The following GPT2 variants were observed in gnomAD, a reference collection of about 807,000 sequenced individuals.
The protein encoded by GPT2 is glutamic--pyruvic transaminase 2.
GPT2 carries 30 observed loss-of-function variants against 56.9 expected under a neutral mutation model. The ratio of observed to expected loss-of-function variants is 0.53; its 90% CI spans 0.39 to 0.72. The LOEUF (loss-of-function observed/expected upper bound fraction) is 0.72. GPT2 is among the 30% of genes least tolerant of loss of function. GPT2 has a pLI of 0.00. For missense variants in GPT2, 542 were observed against 703.4 expected, an observed-to-expected ratio of 0.77 and a Z score of 2.60; for synonymous variants, 271 against 283.1, an observed-to-expected ratio of 0.96 and a Z score of 0.43.
chr16:46,917,934 G>A (rs1000756526), intron 7 of GPT2, among the ~76,000 whole-genome samples: 4 of 152,174 alleles, frequency 2.6e-5, no homozygotes, highest in Non-Finnish European at 5.9e-5. Flanking sequence ...AGAGGAGGAC[G>A]AGGAGGACAG....
intron 10 of GPT2, among the ~76,000 whole-genome samples, chr16:46,924,995 C>G (rs1961376076): frequency 6.6e-6 from 1 of 152,016 alleles, no homozygotes; most frequent in Non-Finnish European, 1.5e-5. Flanking sequence ...CTCCTGGGCT[C>G]AAGCCATCCT....
At chr16:46,903,887 C>T (rs1215512859) in intron 4 of GPT2, among the ~76,000 whole-genome samples, 2 of 152,172 alleles carry the variant, frequency 1.3e-5, no homozygotes, top group Non-Finnish European at 2.9e-5. Flanking sequence ...CATGAGATCT[C>T]GGAGAGAGCT....
intron 4 of GPT2, among the ~76,000 whole-genome samples, chr16:46,901,322 G>T (rs1485802959): frequency 6.6e-6 from 1 of 152,082 alleles, no homozygotes; most frequent in East Asian, 1.9e-4. Flanking sequence ...CCCTCAAGCC[G>T]GCCCTCACTC....
At chr16:46,910,039 T>C (rs1961015946) in intron 6 of GPT2, 112 bp downstream of exon 6, 1 of 1,380,148 alleles carries the variant, frequency 7.2e-7, no homozygotes, top group East Asian at 2.4e-5. Context: ...CTAGTTTCCC[T>C]TCCAGATTTG....
chr16:46,899,582 A>G (rs1030822165), intron 3 of GPT2, among the ~76,000 whole-genome samples: 1 of 152,206 alleles, frequency 6.6e-6, no homozygotes, highest in Non-Finnish European at 1.5e-5. Flanking sequence ...CCCTTGGAGC[A>G]GGCCAGCAGC....
In GPT2 at chr16:46,884,793, C is replaced by T. The variant is rs1270784014; in HGVS notation, c.78C>T (p.Ser26=). 6.6e-7 allele frequency: 1 copy of T among 1,516,998 alleles called. No homozygotes were observed. Among genetic ancestry groups the T allele is most frequent in the South Asian group, 1.2e-5 (1 of 80,784 alleles). 94.0% of individuals were successfully genotyped at this position (1,516,998 alleles called of 1,614,324 possible). The change falls in exon 2 of 12, where the codon AGC becomes AGT. Residue 26 remains serine (S), a synonymous_variant. Transcript: ENST00000340124. ...GCTCCTGGGGCCGCAGCCAGAGCAG[C>T]GCGGCCGCCGAGGCCTCGGCGGTGC... is the stretch of plus-strand genomic sequence containing the variant. The part of the protein sequence containing the change: ...TPSSWGRSQS[S]AAAEASAVLK...
chr16:46,887,481 A>G (rs537839724), intron 2 of GPT2, among the ~76,000 whole-genome samples: 52 of 151,976 alleles, frequency 3.4e-4, no homozygotes, highest in Non-Finnish European at 6.0e-4. Flanking sequence ...ACAAACAAAA[A>G]CTGATTGGTT....
chr16:46,919,665 T>C (rs1387878838), intron 8 of GPT2, among the ~76,000 whole-genome samples: 4 of 152,186 alleles, frequency 2.6e-5, no homozygotes, highest in Non-Finnish European at 5.9e-5. Flanking sequence ...CTTTGCTGAT[T>C]GTATTTTTCA....
chr16:46,903,641 T>C (rs887669674), intron 4 of GPT2, among the ~76,000 whole-genome samples: 1 of 152,144 alleles, frequency 6.6e-6, no homozygotes, highest in African/African-American at 2.4e-5. Flanking sequence ...AGCAATTTGG[T>C]TCTCAGGTTT....
chr16:46,884,982 G>A, intron 2 of GPT2, 24 bp downstream of exon 2: 1 of 1,460,880 alleles, frequency 6.8e-7, no homozygotes, highest in Non-Finnish European at 9.1e-7. Flanking sequence ...GGGCCCCGGG[G>A]AGGCTGGGGC....
At chr16:46,923,475 G>A (rs1177897562) in intron 9 of GPT2, among the ~76,000 whole-genome samples, 2 of 152,188 alleles carry the variant, frequency 1.3e-5, no homozygotes, top group African/African-American at 4.8e-5. Context: ...AAAAAGTAGA[G>A]TCATGTCTTA....
At chr16:46,900,537 CA>C (rs1365342232) in intron 3 of GPT2, 144 bp from the exon 4 acceptor site, 1 of 603,640 alleles carries the variant, frequency 1.7e-6, no homozygotes, top group Non-Finnish European at 3.0e-6. Flanking sequence ...CTCCCACTCC[CA>C]AGCTCCCACA....
intron 4 of GPT2, among the ~76,000 whole-genome samples, chr16:46,904,502 G>A (rs1960881887): frequency 6.6e-6 from 1 of 152,156 alleles, no homozygotes; most frequent in Non-Finnish European, 1.5e-5. Context: ...GCAGGCCTCC[G>A]GGAGACAGAC....
chr16:46,904,906 G>T (rs1361870410), intron 4 of GPT2, among the ~76,000 whole-genome samples: 1 of 152,118 alleles, frequency 6.6e-6, no homozygotes, highest in Non-Finnish European at 1.5e-5. Flanking sequence ...AAAATAACAT[G>T]ACAGAAGCCC....
At chr16:46,912,877 C>T (rs1369223247) in intron 6 of GPT2, among the ~76,000 whole-genome samples, 1 of 152,222 alleles carries the variant, frequency 6.6e-6, no homozygotes, top group African/African-American at 2.4e-5. Context: ...AACATCCAAA[C>T]TACGTGAACA....
chr16:46,928,398 G>A (rs1961460125), intron 11 of GPT2, among the ~76,000 whole-genome samples: 1 of 152,046 alleles, frequency 6.6e-6, no homozygotes, highest in African/African-American at 2.4e-5. Flanking sequence ...GCCAAGGTGA[G>A]CAGATCATGA....
Position 46,929,019 on chromosome 16 carries a change from A to C in GPT2, c.*22A>C, listed in dbSNP as rs548692133. On this transcript the variant is annotated 3_prime_UTR_variant, in exon 12 of 12. Coordinates refer to ENST00000340124, the MANE Select transcript of GPT2 (RefSeq NM_133443.4). ...GTGAGGACGCCTGAGCCCCAGCGGG[A>C]GACCTGTCCTTGGCTCTTCCTCCCA... 6.9e-6 allele frequency: 11 copies of C among 1,593,882 alleles called. No homozygotes were observed. Among genetic ancestry groups the C allele is most frequent in the Non-Finnish European group, 7.7e-6 (9 of 1,161,704 alleles).
chr16:46,922,725 A>T lies in GPT2; in HGVS notation c.1212+309A>T, dbSNP rs534358060. 1.9e-3 allele frequency among the ~76,000 whole-genome samples: 293 copies of T among 152,118 alleles called. 1 individual carries two copies. The highest frequency in any genetic ancestry group is 6.7e-3 in the African/African-American group (277 of 41,494). On this transcript the variant is annotated intron_variant, in intron 9 of 11. Transcript: ENST00000340124. Reference sequence around the variant, plus strand: ...ATAACACACTGGGGGGACTCATGAAACTGAAAAGAAGACGAGGAGGTAGAG... The same window carrying T: ...ATAACACACTGGGGGGACTCATGAATCTGAAAAGAAGACGAGGAGGTAGAG...
chr16:46,892,920 C>G (rs923835736), intron 2 of GPT2, among the ~76,000 whole-genome samples: 1 of 152,170 alleles, frequency 6.6e-6, no homozygotes, highest in Non-Finnish European at 1.5e-5. Context: ...CAAGGATGCT[C>G]ATATAAATGG....
Sources: allele counts gnomAD v4.1 joint callset (sites outside exome capture counted in the v4.1 genomes callset), GRCh38; gene constraint gnomAD v4.1.1; transcripts MANE v1.5; gene names NCBI Gene and HGNC (gene_info 2026-07-23, HGNC 2026-07-21).